The following SMC6 variants were observed in gnomAD, a reference collection of about 807,000 sequenced individuals.
SMC6 encodes structural maintenance of chromosomes protein 6.
Under a neutral mutation model 142.2 loss-of-function variants are expected in SMC6, and 79 were observed. The ratio of observed to expected loss-of-function variants is 0.56; its 90% CI spans 0.46 to 0.67. The LOEUF is 0.67. SMC6 is among the 30% of genes least tolerant of loss of function. The pLI is 0.00. For missense variants in SMC6, 1,072 were observed against 1,284.0 expected (o/e 0.83, Z 2.52); for synonymous variants, 411 against 412.4 (o/e 1.00, Z 0.04).
intron 24 of SMC6, among the ~76,000 whole-genome samples, chr2:17,682,450 G>C (rs915876652): frequency 6.6e-6 from 1 of 152,172 alleles, no homozygotes; most frequent in Admixed American, 6.5e-5. Flanking sequence ...CTGGAGCTGG[G>C]AATCTGGGGA....
chr2:17,665,653 C>T (rs527588471), intron 27 of SMC6, 40 bp from the exon 28 acceptor site: 1 of 1,325,782 alleles, frequency 7.5e-7, no homozygotes, highest in South Asian at 1.4e-5. Context: ...TTCCAAGAAA[C>T]CTTTTACCAA....
At chr2:17,681,028 C>CT (rs1365863473) in intron 24 of SMC6, 6 of 152,202 alleles carry the variant, frequency 3.9e-5, no homozygotes, top group Non-Finnish European at 7.3e-5. Flanking sequence ...AGTGTAGCCA[C>CT]TTTCATCAGT....
Position 17,702,099 on chromosome 2 carries a change from T to C in SMC6, c.2143-190A>G, listed in dbSNP as rs192105649. Among the ~76,000 whole-genome samples the C allele has an allele frequency of 3.8e-4, 58 of 152,338 alleles. 1 individual carries two copies. The highest frequency in any genetic ancestry group is 3.4e-3 in the Middle Eastern group (1 of 294). ...TAAATTCTGCCATATCATTCTTATA[T>C]ACTAATCCATTCCCATGCAAAAGAG... is the stretch of plus-strand genomic sequence containing the variant. On this transcript the variant is annotated intron_variant, in intron 19 of 27. Transcript: ENST00000448223.
intron 26 of SMC6, among the ~76,000 whole-genome samples, 175 bp downstream of exon 26, chr2:17,670,248 A>C (rs1476541445): frequency 1.3e-5 from 2 of 152,184 alleles, no homozygotes; most frequent in Admixed American, 6.5e-5. Context: ...TGTGCCTAGA[A>C]GCAAGGGAGA....
intron 18 of SMC6, among the ~76,000 whole-genome samples, chr2:17,705,848 T>C (rs1668484392): frequency 6.6e-6 from 1 of 152,202 alleles, no homozygotes; most frequent in African/African-American, 2.4e-5. Flanking sequence ...ATGAAAAATA[T>C]ATTAAGCCTG....
intron 25 of SMC6, among the ~76,000 whole-genome samples, chr2:17,675,374 ATAT>A: frequency 6.6e-6 from 1 of 152,168 alleles, no homozygotes; most frequent in Non-Finnish European, 1.5e-5. Flanking sequence ...CTATTCAGCA[ATAT>A]TATTATTGTT....
intron 23 of SMC6, among the ~76,000 whole-genome samples, chr2:17,692,810 A>C (rs920266544): frequency 7.9e-5 from 12 of 152,360 alleles, no homozygotes; most frequent in Admixed American, 2.6e-4. Flanking sequence ...TACTCATCTG[A>C]CAAAGGGCTA....
At chr2:17,713,697 A>G in intron 16 of SMC6, 1 of 317,026 alleles carries the variant, frequency 3.2e-6, no homozygotes. Context: ...CTTGCATTCA[A>G]TTAACAAATT....
At position 17,683,766 on chromosome 2, in the gene SMC6, A is replaced by G. The variant is rs1447498543; in HGVS notation, c.2679-3T>C. ...TCTCTCTTGCTTCTTGGTACTGCCTATTATATAAACAAAATATTACGTAAA... is the reference window on the plus strand; with the variant it reads ...TCTCTCTTGCTTCTTGGTACTGCCTGTTATATAAACAAAATATTACGTAAA... On this transcript the variant is annotated splice_polypyrimidine_tract_variant and splice_region_variant and intron_variant, in intron 23 of 27. Coordinates refer to ENST00000448223, the MANE Select transcript of SMC6 (RefSeq NM_001142286.2). 8.1e-6 allele frequency: 13 copies of G among 1,604,786 alleles called. No homozygotes were observed. The highest frequency in any genetic ancestry group is 1.1e-5 in the Non-Finnish European group (13 of 1,175,194).
At chr2:17,741,465 G>A in intron 4 of SMC6, 147 bp downstream of exon 4, 1 of 579,728 alleles carries the variant, frequency 1.7e-6, no homozygotes, top group Non-Finnish European at 3.1e-6. Context: ...TACACTGGCA[G>A]CAAATACCAA....
chr2:17,725,385 A>G, intron 8 of SMC6, 27 bp from the exon 9 acceptor site: 1 of 1,506,536 alleles, frequency 6.6e-7, no homozygotes, highest in Non-Finnish European at 8.9e-7. Context: ...AAAAAAACGC[A>G]ATTAGGAGTT....
intron 7 of SMC6, among the ~76,000 whole-genome samples, chr2:17,727,088 T>C (rs904823202): frequency 6.6e-6 from 1 of 152,230 alleles, no homozygotes; most frequent in Non-Finnish European, 1.5e-5. Context: ...AACTAGTCAT[T>C]GCTTGAATGA....
chr2:17,734,743 T>A (rs908307369), intron 5 of SMC6, among the ~76,000 whole-genome samples: 2 of 133,468 alleles, frequency 1.5e-5, no homozygotes, highest in Admixed American at 1.5e-4. Flanking sequence ...TTTCTTTTTT[T>A]CTTTTTGAGA....
intron 24 of SMC6, among the ~76,000 whole-genome samples, chr2:17,682,270 G>C (rs2124845599): frequency 6.6e-6 from 1 of 152,232 alleles, no homozygotes; most frequent in East Asian, 1.9e-4. Context: ...TCCAAACTCT[G>C]AGGGTTTTCA....
intron 25 of SMC6, among the ~76,000 whole-genome samples, chr2:17,676,821 T>C (rs953988062): frequency 5.3e-5 from 8 of 152,186 alleles, no homozygotes; most frequent in South Asian, 2.1e-4. Context: ...ATAAATAGTA[T>C]TTTTTAAAAT....
chr2:17,741,594 A>G lies in SMC6; in HGVS notation c.238+18T>C. 1.3e-6 allele frequency: 2 copies of G among 1,525,844 alleles called. No homozygotes were observed. The highest frequency in any genetic ancestry group is 1.8e-6 in the Non-Finnish European group (2 of 1,109,254). 94.5% of individuals were successfully genotyped at this position (1,525,844 alleles called of 1,614,324 possible). On this transcript the variant is annotated intron_variant, in intron 4 of 27. Coordinates refer to ENST00000448223, the MANE Select transcript of SMC6 (RefSeq NM_001142286.2). ...AAAGTACTGCTCAAAGTCAAACGAG[A>G]AGGGAAAAAACACTTACTTCCATTG...
At chr2:17,714,219 C>A (rs1668969158) in intron 16 of SMC6, among the ~76,000 whole-genome samples, 1 of 151,814 alleles carries the variant, frequency 6.6e-6, no homozygotes, top group South Asian at 2.1e-4. Flanking sequence ...CCTCAGCCTT[C>A]CAAGTAGCTG....
At chr2:17,668,964 G>A (rs952662797) in intron 26 of SMC6, among the ~76,000 whole-genome samples, 4 of 152,150 alleles carry the variant, frequency 2.6e-5, no homozygotes, top group East Asian at 3.8e-4. Flanking sequence ...GGTGGAGGAC[G>A]GACCGAAGAA....
chr2:17,681,457 C>T (rs1403820258), intron 24 of SMC6: 2 of 152,218 alleles, frequency 1.3e-5, no homozygotes, highest in Admixed American at 6.6e-5. Flanking sequence ...TTTTGACATA[C>T]CTTCCTCACT....
Sources: allele counts gnomAD v4.1 joint callset (sites outside exome capture counted in the v4.1 genomes callset), GRCh38; gene constraint gnomAD v4.1.1; transcripts MANE v1.5; gene names NCBI Gene and HGNC (gene_info 2026-07-23, HGNC 2026-07-21).